The following DCAF4 variants were observed in gnomAD, a reference collection of about 807,000 sequenced individuals.
DCAF4 encodes DDB1 and CUL4 associated factor 4.
Under a neutral mutation model 60.9 loss-of-function variants are expected in DCAF4, and 37 were observed. The ratio of observed to expected loss-of-function variants is 0.61; its 90% CI spans 0.47 to 0.80. The LOEUF (loss-of-function observed/expected upper bound fraction) is 0.80, where lower values mean the gene tolerates loss of function less well. DCAF4 is among the 30% of genes least tolerant of loss of function. DCAF4 has a pLI of 0.00. For missense variants in DCAF4, 577 were observed against 650.0 expected (o/e 0.89, Z 1.22); for synonymous variants, 243 against 254.8 (o/e 0.95, Z 0.44).
At chr14:72,953,727 AAAAAAATATATAT>A (rs1416651561) in intron 9 of DCAF4, among the ~76,000 whole-genome samples, 3 of 47,376 alleles carry the variant, frequency 6.3e-5, no homozygotes, top group African/African-American at 3.0e-4. Context: ...AAAAAAAAAA[AAAAAAATATATAT>A]ATATATATAT....
At position 72,951,817 on chromosome 14, in the gene DCAF4, G is replaced by C; in HGVS notation, c.748G>C (p.Ala250Pro). 1 of 1,614,102 alleles carries C rather than the reference G, an allele frequency of 6.2e-7. No individual in the cohort carries two copies. The highest frequency in any genetic ancestry group is 8.5e-7 in the Non-Finnish European group (1 of 1,180,006). ...TTCCAGGCTATGCCTCATGGGACTCGCAGAGACTCCAGGCTGTGCCACCCT... is the reference window on the plus strand; with the variant it reads ...TTCCAGGCTATGCCTCATGGGACTCCCAGAGACTCCAGGCTGTGCCACCCT... ...SHILLCLMGL[A>P]ETPGCATLLP... Residue 250 changes from alanine (A) to proline (P), a missense_variant, in exon 9 of 14, where the codon GCA (alanine) becomes CCA (proline). By Grantham distance (27) the Ala-to-Pro change is conservative (BLOSUM62 -1). Coordinates refer to ENST00000358377, the MANE Select transcript of DCAF4 (RefSeq NM_015604.4).
chr14:72,941,060 T>A (rs1417250833), intron 4 of DCAF4, among the ~76,000 whole-genome samples: 1 of 151,774 alleles, frequency 6.6e-6, no homozygotes, highest in Non-Finnish European at 1.5e-5. Context: ...GCCTCCCAGG[T>A]TCAAGTGATC....
At chr14:72,955,798 C>A in intron 12 of DCAF4, 102 bp downstream of exon 12, 1 of 1,162,404 alleles carries the variant, frequency 8.6e-7, no homozygotes, top group Non-Finnish European at 1.2e-6. Context: ...AGACCCCAGG[C>A]AGGGGAATTT....
rs1461931344 is a variant in DCAF4, at chr14:72,955,594, C to T, written c.1077C>T (p.Gly359=). The part of the protein sequence containing the change: ...FAIDLRCGNQ[G]KGWKATRLFH... ...TTGATCTGCGTTGTGGAAATCAAGG[C>T]AAGGGATGGAAGGCCACCCGCCTGT... Residue 359 remains glycine (G), a synonymous_variant, in exon 12 of 14, where the codon GGC becomes GGT. Transcript: ENST00000358377. The T allele has an allele frequency of 6.2e-7, 1 of 1,614,048 alleles. No individual in the cohort carries two copies. Among genetic ancestry groups the T allele is most frequent in the Non-Finnish European group, 8.5e-7 (1 of 1,180,034 alleles).
intron 6 of DCAF4, 148 bp from the exon 7 acceptor site, chr14:72,945,736 G>A (rs548861408): frequency 2.9e-6 from 3 of 1,037,834 alleles, no homozygotes; most frequent in South Asian, 3.1e-5. Context: ...GGGAAAGTGA[G>A]GTCATCTCCA....
At chr14:72,935,506 C>T (rs1277004390) in intron 1 of DCAF4, among the ~76,000 whole-genome samples, 1 of 152,236 alleles carries the variant, frequency 6.6e-6, no homozygotes, top group East Asian at 1.9e-4. Flanking sequence ...CCACCCGCAT[C>T]GGCCTCCCAA....
Position 72,956,426 on chromosome 14 carries a change from A to C in DCAF4, c.1220A>C (p.Gln407Pro), listed in dbSNP as rs776853264. 31 of 1,613,394 alleles carry C rather than the reference A, an allele frequency of 1.9e-5. No homozygotes were observed. The East Asian group carries it at 6.9e-4, about 36-fold the overall frequency. Residue 407 changes from glutamine (Q) to proline (P), a missense_variant, in exon 13 of 14, where the codon CAG becomes CCG. Physicochemically the swap from Gln to Pro is moderately conservative, Grantham distance 76. Transcript: ENST00000358377. The stretch of plus-strand genomic sequence containing the variant: ...CTGAGGACCACGAAGTGCGTAAGGC[A>C]GTACGAAGGCCACGTGAATGAGTAC... ...WDLRTTKCVR[Q>P]YEGHVNEYAY...
intron 11 of DCAF4, 120 bp downstream of exon 11, chr14:72,954,603 A>C: frequency 2.1e-6 from 2 of 933,578 alleles, no homozygotes; most frequent in Non-Finnish European, 3.3e-6. Flanking sequence ...AAAGAGCATC[A>C]GAAAGGATCA....
At chr14:72,936,241 G>A (rs896675056) in intron 1 of DCAF4, among the ~76,000 whole-genome samples, 1 of 152,232 alleles carries the variant, frequency 6.6e-6, no homozygotes, top group Non-Finnish European at 1.5e-5. Flanking sequence ...ATGGTGTTCA[G>A]GAGCCATTGT....
intron 1 of DCAF4, among the ~76,000 whole-genome samples, chr14:72,934,821 A>G (rs1889046136): frequency 1.3e-5 from 2 of 152,222 alleles, no homozygotes; most frequent in Admixed American, 1.3e-4. Context: ...AGTGCCTCAC[A>G]TGGAGTGGGC....
chr14:72,940,695 A>G (rs1179569324), intron 4 of DCAF4, among the ~76,000 whole-genome samples: 2 of 150,916 alleles, frequency 1.3e-5, no homozygotes, highest in African/African-American at 2.4e-5. Context: ...GATTCAAGCA[A>G]TTCTCCTGCC....
chr14:72,955,390 C>G, intron 11 of DCAF4, 133 bp from the exon 12 acceptor site: 1 of 1,089,790 alleles, frequency 9.2e-7, no homozygotes, highest in Non-Finnish European at 1.3e-6. Context: ...AGACCCAAAC[C>G]CTGACCAGCA....
At position 72,942,975 on chromosome 14, in the gene DCAF4, C is replaced by G. The variant is rs2240980; in HGVS notation, c.432-19C>G. 0.31 allele frequency: 499,206 copies of G among 1,611,858 alleles called. 82,972 individuals are homozygous for G. The highest frequency in any genetic ancestry group is 0.63 in the East Asian group (28,177 of 44,818). The stretch of plus-strand genomic sequence containing the variant: ...GATGTCAGCTTCAGCATCCATGCCC[C>G]CACCCTCTGTTTCTGCAGTTTAGCC... On this transcript the variant is annotated intron_variant, in intron 5 of 13. Transcript: ENST00000358377.
chr14:72,932,376 G>C (rs946532489), intron 1 of DCAF4, among the ~76,000 whole-genome samples: 1 of 152,216 alleles, frequency 6.6e-6, no homozygotes, highest in Non-Finnish European at 1.5e-5. Context: ...GAAAAATGTA[G>C]TAAATATCTT....
chr14:72,936,418 G>T (rs976755811), intron 1 of DCAF4, among the ~76,000 whole-genome samples: 13 of 152,080 alleles, frequency 8.5e-5, no homozygotes, highest in Non-Finnish European at 1.9e-4. Context: ...ACAAAAATTA[G>T]CTGGGTGTGG....
chr14:72,928,585 T>TTTTATATATATATA (rs1283241933), intron 1 of DCAF4, among the ~76,000 whole-genome samples: 2 of 15,938 alleles, frequency 1.3e-4, no homozygotes, highest in African/African-American at 1.9e-4. Flanking sequence ...TAAACATCCT[T>TTTTATATATATATA]TATATATATA....
rs1388327199 is a variant in DCAF4, at chr14:72,929,741, G to C, written c.-9+3198G>C. ...ACTTGAGGGCCCATTTCTCCTTGAA[G>C]ACCTTCAGTGACTCCATGGCGCGCA... On this transcript the variant is annotated intron_variant, in intron 1 of 13. Transcript: ENST00000358377. The C allele has an allele frequency of 3.9e-6, 4 of 1,029,012 alleles. No homozygotes were observed. The East Asian group carries it at 9.5e-5, about 24-fold the overall frequency. 63.7% of individuals were successfully genotyped at this position (1,029,012 alleles called of 1,614,324 possible). A position where few individuals can be genotyped will look rare whatever the true frequency, so the allele number is the denominator to read the frequency against.
At chr14:72,934,123 G>T (rs1888937571) in intron 1 of DCAF4, among the ~76,000 whole-genome samples, 1 of 148,408 alleles carries the variant, frequency 6.7e-6, no homozygotes, top group African/African-American at 2.5e-5. Flanking sequence ...CAGCCTGCAG[G>T]CCCCCCGCCC....
At chr14:72,938,917 A>G (rs950440283) in intron 2 of DCAF4, among the ~76,000 whole-genome samples, 3 of 152,006 alleles carry the variant, frequency 2.0e-5, no homozygotes, top group Non-Finnish European at 2.9e-5. Context: ...TATTTATTTA[A>G]GAGATGAGGT....
Sources: gnomAD v4.1 joint callset for allele counts (sites outside exome capture counted in the v4.1 genomes callset) on GRCh38, gnomAD v4.1.1 for gene constraint, MANE v1.5 for transcripts, NCBI Gene and HGNC (gene_info 2026-07-23, HGNC 2026-07-21) for gene names.